The following SGPP2 variants were observed in gnomAD, a reference collection of about 807,000 sequenced individuals.
SGPP2 encodes sphingosine 1-phosphate phosphohydrolase 2.
A neutral mutation model predicts 33.9 loss-of-function variants in SGPP2; 30 were observed. The ratio of observed to expected loss-of-function variants is 0.89; its 90% confidence interval spans 0.66 to 1.20. The LOEUF is 1.20. Among genes scored for constraint, SGPP2 ranks in the 50% most tolerant of loss-of-function variants. SGPP2 has a pLI of 0.00. For synonymous variants in SGPP2, 233 were observed against 225.0 expected (o/e 1.04, Z -0.32); for missense variants, 458 against 532.1 (o/e 0.86, Z 1.37).
chr2:222,534,090 A>G (rs1006761054), intron 4 of SGPP2, among the ~76,000 whole-genome samples: 2 of 152,194 alleles, frequency 1.3e-5, no homozygotes, highest in African/African-American at 4.8e-5. Flanking sequence ...CTCTGCATCT[A>G]TAGCATGGCA....
intron 1 of SGPP2, among the ~76,000 whole-genome samples, chr2:222,426,338 G>A (rs935851324): frequency 3.1e-4 from 47 of 151,926 alleles, no homozygotes; most frequent in African/African-American, 1.0e-3. Flanking sequence ...AGACACGTGA[G>A]TTGCTTTCTG....
rs1177821819 is a variant in SGPP2 at position 222,474,680 on chromosome 2, G to A, written c.332G>A (p.Trp111Ter). ...ATCACGTTTCTTCCATTCACTCACT[G>A]GAATATTGACCCTTATTTATCCAGA... ...FYITFLPFTH[W>*]NIDPYLSRRL... The change falls in exon 2 of 5, where the codon TGG becomes TAG. Residue 111 changes from tryptophan (W) to a stop codon, truncating the protein, a stop_gained. Transcript: ENST00000321276. LOFTEE classifies it high-confidence loss of function. 1 of 1,613,822 alleles carries A rather than the reference G, an allele frequency of 6.2e-7. No homozygotes were observed. The highest frequency in any genetic ancestry group is 1.3e-5 in the African/African-American group (1 of 74,906).
At chr2:222,547,126 A>C (rs1689216993) in intron 4 of SGPP2, among the ~76,000 whole-genome samples, 1 of 152,204 alleles carries the variant, frequency 6.6e-6, no homozygotes, top group South Asian at 2.1e-4. Context: ...GTCAACCTGC[A>C]TGGGCCTGCT....
Position 222,474,651 on chromosome 2 carries a change from C to G in SGPP2, c.303C>G (p.Phe101Leu). Residue 101 changes from phenylalanine to leucine, a missense_variant, in exon 2 of 5, where the codon TTC becomes TTG. Physicochemically the swap from Phe to Leu is conservative, Grantham distance 22. Coordinates refer to ENST00000321276, the MANE Select transcript of SGPP2 (RefSeq NM_152386.4). ...CAGCTGCTTTGGGCCAAGAAGTGTT[C>G]TACATCACGTTTCTTCCATTCACTC... is the stretch of plus-strand genomic sequence containing the variant. ...QFSAALGQEV[F>L]YITFLPFTHW... The G allele has an allele frequency of 6.2e-7, 1 of 1,613,866 alleles. No homozygotes were observed. The highest frequency in any genetic ancestry group is 1.1e-5 in the South Asian group (1 of 91,070).
chr2:222,458,229 AT>A (rs1697602211), intron 1 of SGPP2, among the ~76,000 whole-genome samples: 2 of 149,368 alleles, frequency 1.3e-5, no homozygotes, highest in East Asian at 3.9e-4. Context: ...TTTTTTTTTA[AT>A]TTTTTGTAGA....
At chr2:222,447,630 T>C (rs1180972575) in intron 1 of SGPP2, among the ~76,000 whole-genome samples, 2 of 152,202 alleles carry the variant, frequency 1.3e-5, no homozygotes, top group East Asian at 1.9e-4. Flanking sequence ...ATTGTTCCAT[T>C]TGAAGGAGAA....
intron 1 of SGPP2, among the ~76,000 whole-genome samples, chr2:222,447,643 C>T (rs1264342571): frequency 1.3e-5 from 2 of 152,156 alleles, no homozygotes; most frequent in African/African-American, 4.8e-5. Flanking sequence ...AAGGAGAAAA[C>T]CCTATGAGAA....
chr2:222,553,507 C>G (rs758943340), intron 4 of SGPP2, among the ~76,000 whole-genome samples: 2 of 152,148 alleles, frequency 1.3e-5, no homozygotes, highest in African/African-American at 2.4e-5. Context: ...CTCACGACAT[C>G]AGAATTAGAC....
At chr2:222,429,221 A>C (rs755636246) in intron 1 of SGPP2, among the ~76,000 whole-genome samples, 7 of 152,226 alleles carry the variant, frequency 4.6e-5, no homozygotes, top group Non-Finnish European at 7.3e-5. Context: ...AGGTTAGAAG[A>C]GGGGTCCAGA....
intron 1 of SGPP2, among the ~76,000 whole-genome samples, chr2:222,444,245 T>C (rs1697367223): frequency 6.6e-6 from 1 of 152,324 alleles, no homozygotes; most frequent in East Asian, 1.9e-4. Context: ...GAGCTAATCA[T>C]GTGCTTTAAA....
At chr2:222,539,452 G>T (rs1254925800) in intron 4 of SGPP2, among the ~76,000 whole-genome samples, 1 of 152,170 alleles carries the variant, frequency 6.6e-6, no homozygotes, top group South Asian at 2.1e-4. Context: ...GGAGGAGCTT[G>T]GGGAGCACAG....
rs1203975625 is a variant in SGPP2, at chr2:222,561,374, C to T, written c.*2476C>T. Among the ~76,000 whole-genome samples the T allele has an allele frequency of 6.6e-6, 1 of 152,062 alleles. No individual in the cohort carries two copies. The highest frequency in any genetic ancestry group is 2.4e-5 in the African/African-American group (1 of 41,410). Reference sequence around the variant, plus strand: ...CACACAGCTGCCCAGCCAGAGTTCGCAACACTGGATATTTACACCAAATAA... The same window carrying T: ...CACACAGCTGCCCAGCCAGAGTTCGTAACACTGGATATTTACACCAAATAA... On this transcript the variant is annotated 3_prime_UTR_variant, in exon 5 of 5. Coordinates refer to ENST00000321276, the MANE Select transcript of SGPP2 (RefSeq NM_152386.4).
intron 4 of SGPP2, among the ~76,000 whole-genome samples, chr2:222,555,445 GTT>G (rs57228014): frequency 0.29 from 25,129 of 85,606 alleles, 2,614 homozygotes; most frequent in Non-Finnish European, 0.33. Context: ...TCTTTTATCC[GTT>G]TTTTTTTTTT....
chr2:222,452,305 A>G (rs776034157), intron 1 of SGPP2: 3 of 588,504 alleles, frequency 5.1e-6, no homozygotes, highest in South Asian at 1.7e-5. Context: ...TGTGGTTTCC[A>G]AAAAAGAAAA....
chr2:222,510,410 A>G (rs982334721), intron 2 of SGPP2, among the ~76,000 whole-genome samples: 3 of 152,224 alleles, frequency 2.0e-5, no homozygotes, highest in Admixed American at 1.3e-4. Flanking sequence ...CTTGCCTCCA[A>G]CAGTCAATGA....
At chr2:222,555,862 A>G (rs1481471333) in intron 4 of SGPP2, among the ~76,000 whole-genome samples, 2 of 152,212 alleles carry the variant, frequency 1.3e-5, no homozygotes, top group African/African-American at 4.8e-5. Context: ...AGAAAGAGAG[A>G]ACATCTTTCT....
intron 2 of SGPP2, among the ~76,000 whole-genome samples, chr2:222,480,426 C>T (rs528908417): frequency 1.6e-3 from 239 of 152,256 alleles, no homozygotes; most frequent in African/African-American, 5.5e-3. Flanking sequence ...ATGAGATAAA[C>T]AGATACAAAG....
At position 222,558,845 on chromosome 2, in the gene SGPP2, A is replaced by G. The variant is rs759685202; in HGVS notation, c.1147A>G (p.Ile383Val). The change falls in exon 5 of 5, where the codon ATC becomes GTC. Residue 383 changes from isoleucine to valine, a missense_variant. By Grantham distance (29) the Ile-to-Val change is conservative. Transcript: ENST00000321276. ...YKFVTYTSVGICATTFVPMLH... is the reference protein window; with the variant it reads ...YKFVTYTSVGVCATTFVPMLH... Reference sequence around the variant, plus strand: ...GTTTGTTACCTACACATCTGTTGGCATCTGCGCTACAACCTTTGTGCCGAT... The same window carrying G: ...GTTTGTTACCTACACATCTGTTGGCGTCTGCGCTACAACCTTTGTGCCGAT... 1 of 1,614,118 alleles carries G rather than the reference A, an allele frequency of 6.2e-7. No individual in the cohort carries two copies.
intron 4 of SGPP2, among the ~76,000 whole-genome samples, chr2:222,541,594 TTTTATTTA>T (rs72410664): frequency 1.9e-3 from 279 of 150,686 alleles, no homozygotes; most frequent in African/African-American, 6.0e-3. Flanking sequence ...AAGAAAACTA[TTTTATTTA>T]TTTATTTATT....
Sources: gnomAD v4.1 joint callset for allele counts (sites outside exome capture counted in the v4.1 genomes callset) on GRCh38, gnomAD v4.1.1 for gene constraint, MANE v1.5 for transcripts, NCBI Gene and HGNC (gene_info 2026-07-23, HGNC 2026-07-21) for gene names.